GYS2: variants seen among roughly 807,000 people sequenced by gnomAD.
GYS2 encodes the protein glycogen synthase 2.
In GYS2, 80 loss-of-function variants were observed where a neutral mutation model predicts 85.6. That is an observed-to-expected ratio of 0.93 (90% CI 0.78 to 1.13). The LOEUF is 1.13. Ranked by LOEUF, GYS2 falls within the 50% of genes most tolerant of loss-of-function variation. The pLI is 0.00. For missense variants in GYS2, 881 were observed against 854.9 expected, an observed-to-expected ratio of 1.03 and a Z score of -0.38; for synonymous variants, 328 against 300.7, an observed-to-expected ratio of 1.09 and a Z score of -0.94.
Position 21,560,484 on chromosome 12 carries a change from T to TTTCA in GYS2, c.1070_1071insTGAA (p.Lys357AsnfsTer4). 1 of 1,445,118 alleles carries TTTCA rather than the reference T, an allele frequency of 6.9e-7. No homozygotes were observed. Among genetic ancestry groups the TTTCA allele is most frequent in the Non-Finnish European group, 9.8e-7 (1 of 1,025,190 alleles). The allele number at this position is 1,445,118 out of a possible 1,614,324, so 89.5% of individuals were successfully genotyped here. A position where few individuals can be genotyped will look rare whatever the true frequency, so the allele number is the denominator to read the frequency against. On this transcript the variant is annotated frameshift_variant, in exon 8 of 16. Transcript: ENST00000261195. LOFTEE classifies it high-confidence loss of function. Reference sequence around the variant, plus strand: ...AAAACACCATCACTGTGATGTCACTTTTATGCATCTGATGAGGAATTAGAA... The same window carrying TTTCA: ...AAAACACCATCACTGTGATGTCACTTTTCATTATGCATCTGATGAGGAATTAGAA...
chr12:21,599,419 G>A (rs2136936696), intron 1 of GYS2, among the ~76,000 whole-genome samples: 1 of 152,256 alleles, frequency 6.6e-6, no homozygotes, highest in South Asian at 2.1e-4. Flanking sequence ...CAAAGCAGCT[G>A]CAGTCTTGGC....
At chr12:21,535,450 T>C (rs1196771918), downstream of GYS2, among the ~76,000 whole-genome samples, 1 of 152,218 alleles carries the variant, frequency 6.6e-6, no homozygotes, top group South Asian at 2.1e-4. Flanking sequence ...GCTCTGCAGA[T>C]GCTCGGTTAA....
intron 12 of GYS2, among the ~76,000 whole-genome samples, chr12:21,544,840 T>C (rs1277583041): frequency 6.6e-6 from 1 of 152,220 alleles, no homozygotes; most frequent in Non-Finnish European, 1.5e-5. Context: ...TGGCAAATTA[T>C]GCTTGGTGAA....
At chr12:21,571,965 A>C (rs934501023) in intron 4 of GYS2, among the ~76,000 whole-genome samples, 3 of 141,446 alleles carry the variant, frequency 2.1e-5, no homozygotes, top group Non-Finnish European at 3.1e-5. Context: ...CGCGTCAAAA[A>C]CAAAAACAAA....
intron 13 of GYS2, among the ~76,000 whole-genome samples, chr12:21,541,660 AT>A (rs1200401005): frequency 6.6e-6 from 1 of 152,126 alleles, no homozygotes; most frequent in Non-Finnish European, 1.5e-5. Context: ...TATTAATAGC[AT>A]TCTTATGTTA....
intron 15 of GYS2, among the ~76,000 whole-genome samples, chr12:21,538,070 T>C (rs1260550783): frequency 6.6e-6 from 1 of 152,192 alleles, no homozygotes; most frequent in African/African-American, 2.4e-5. Context: ...CAATGCTTAT[T>C]AGACGTAATA....
chr12:21,542,069 A>G (rs1335382966), intron 13 of GYS2, among the ~76,000 whole-genome samples: 4 of 151,368 alleles, frequency 2.6e-5, no homozygotes, highest in African/African-American at 9.7e-5. Flanking sequence ...TTTTTATGAG[A>G]CAGCCTGAGG....
chr12:21,559,794 GACATTCTTTGAAATT>G lies in GYS2; in HGVS notation c.1170-99_1170-85del, dbSNP rs60340580. The G allele has an allele frequency of 0.75, 563,624 of 754,696 alleles. 216,295 individuals carry two copies. The highest frequency in any genetic ancestry group is 0.78 in the South Asian group (49,283 of 63,482). 46.7% of individuals were successfully genotyped at this position (754,696 alleles called of 1,614,324 possible). A position where few individuals can be genotyped will look rare whatever the true frequency, so the allele number is the denominator to read the frequency against. Reference sequence around the variant, plus strand: ...GTCACGATAATGCTATTGTTTTGTTGACATTCTTTGAAATTACATTCTTTGAAATTACAGGTATCT... The same window carrying G: ...GTCACGATAATGCTATTGTTTTGTTGACATTCTTTGAAATTACAGGTATCT... On this transcript the variant is annotated intron_variant, in intron 8 of 15. Coordinates refer to ENST00000261195, the MANE Select transcript of GYS2 (RefSeq NM_021957.4).
intron 1 of GYS2, among the ~76,000 whole-genome samples, chr12:21,586,209 C>T (rs949452396): frequency 6.6e-6 from 1 of 152,102 alleles, no homozygotes; most frequent in South Asian, 2.1e-4. Context: ...AGAAAAAAAA[C>T]ATGTGAAAAT....
At chr12:21,599,363 G>A (rs1944730082) in intron 1 of GYS2, among the ~76,000 whole-genome samples, 1 of 152,120 alleles carries the variant, frequency 6.6e-6, no homozygotes, top group Non-Finnish European at 1.5e-5. Context: ...ACAAAGGTCA[G>A]CAAATATTTG....
At chr12:21,591,090 A>G (rs887247116) in intron 1 of GYS2, among the ~76,000 whole-genome samples, 1 of 152,174 alleles carries the variant, frequency 6.6e-6, no homozygotes, top group African/African-American at 2.4e-5. Context: ...GTGAAGAAAT[A>G]TGACACTTCC....
intron 11 of GYS2, among the ~76,000 whole-genome samples, chr12:21,557,907 A>G (rs894197461): frequency 1.3e-5 from 2 of 152,054 alleles, no homozygotes; most frequent in African/African-American, 4.8e-5. Context: ...TCAAAAAAAG[A>G]AAAAAAAGAA....
Position 21,604,512 on chromosome 12 carries a change from C to T in GYS2, c.81G>A (p.Glu27=). The T allele has an allele frequency of 1.9e-6, 3 of 1,612,768 alleles. No individual in the cohort carries two copies. The highest frequency in any genetic ancestry group is 2.7e-5 in the African/African-American group (2 of 74,984). ...CCCAAGCAACTTCAAAGAGCAGTAA[C>T]TCCTCCACAGGAAGTTCTTCGACTT... ...QWEVEELPVE[E]LLLFEVAWEV... is the part of the protein sequence containing the mutation. The change falls in exon 1 of 16, where the codon GAG becomes GAA. Residue 27 remains glutamate, a synonymous_variant. Transcript: ENST00000261195.
chr12:21,598,677 A>G (rs1944722010), intron 1 of GYS2, among the ~76,000 whole-genome samples: 1 of 152,108 alleles, frequency 6.6e-6, no homozygotes, highest in South Asian at 2.1e-4. Context: ...AACCAAGGAG[A>G]TTTACATACA....
intron 5 of GYS2, among the ~76,000 whole-genome samples, chr12:21,564,916 G>T (rs1268783527): frequency 6.6e-6 from 1 of 152,116 alleles, no homozygotes; most frequent in Non-Finnish European, 1.5e-5. Context: ...GCTGGATTTA[G>T]AACCAAAGCA....
intron 11 of GYS2, among the ~76,000 whole-genome samples, chr12:21,550,498 G>A (rs1428511239): frequency 1.3e-5 from 2 of 152,060 alleles, no homozygotes; most frequent in Admixed American, 6.6e-5. Context: ...GCTCCTCTTT[G>A]TGTAGACATT....
intron 11 of GYS2, among the ~76,000 whole-genome samples, chr12:21,555,783 C>T (rs1428323680): frequency 1.3e-5 from 2 of 152,158 alleles, no homozygotes; most frequent in African/African-American, 2.4e-5. Flanking sequence ...CTCTCATTCT[C>T]CTAGGCTGCA....
chr12:21,567,664 G>A (rs1944337819), intron 5 of GYS2, among the ~76,000 whole-genome samples: 1 of 151,872 alleles, frequency 6.6e-6, no homozygotes, highest in South Asian at 2.1e-4. Context: ...TGATTTCGTT[G>A]CAAGTAATAT....
At chr12:21,557,270 T>C (rs994077339) in intron 11 of GYS2, among the ~76,000 whole-genome samples, 2 of 152,214 alleles carry the variant, frequency 1.3e-5, no homozygotes, top group South Asian at 2.1e-4. Context: ...TGTTCATCTT[T>C]GTCTTCAATA....
Sources: gnomAD v4.1 joint callset for allele counts (sites outside exome capture counted in the v4.1 genomes callset) on GRCh38, gnomAD v4.1.1 for gene constraint, MANE v1.5 for transcripts, NCBI Gene and HGNC (gene_info 2026-07-23, HGNC 2026-07-21) for gene names.